KMT2B: variants seen among roughly 807,000 people sequenced by gnomAD.
KMT2B encodes histone-lysine N-methyltransferase 2B.
In KMT2B, 22 loss-of-function variants were observed where a neutral mutation model predicts 255.3. That is an observed-to-expected ratio of 0.09 (90% CI 0.06 to 0.12). The LOEUF (loss-of-function observed/expected upper bound fraction) is 0.12, where lower values mean the gene tolerates loss of function less well. Among genes scored for constraint, KMT2B ranks in the 10% least tolerant of loss-of-function variants. KMT2B has a pLI of 1.00. For synonymous variants in KMT2B, 1,730 were observed against 1,498.1 expected (o/e 1.15, Z -3.57); for missense variants, 3,149 against 3,737.0 (o/e 0.84, Z 4.10).
rs752992427 is a variant in KMT2B at position 35,733,100 on chromosome 19, C to A, written c.6551C>A (p.Pro2184His). The A allele has an allele frequency of 3.2e-6, 5 of 1,566,884 alleles. No homozygotes were observed. The highest frequency in any genetic ancestry group is 4.3e-6 in the Non-Finnish European group (5 of 1,155,722). ...AGCCTTGGCCCTGCCCCTGAGCCCC[C>A]CAAACCCGCCACATCCAAAATCATA... is the stretch of plus-strand genomic sequence containing the variant. ...VLSLGPAPEP[P>H]KPATSKIILV... Residue 2184 changes from proline to histidine, a missense_variant, in exon 28 of 37, where the codon CCC becomes CAC. This residue lies in a region of KMT2B where 897 missense variants were observed against 825.3 expected (regional missense o/e 1.09). Coordinates refer to ENST00000420124, the MANE Select transcript of KMT2B (RefSeq NM_014727.3). The surrounding 1 kb of genome is among the most constrained non-coding windows in gnomAD (Gnocchi z 4.3).
At chr19:35,736,637 G>A (rs1458834348) in intron 30 of KMT2B, 53 bp from the exon 31 acceptor site, 2 of 1,601,834 alleles carry the variant, frequency 1.2e-6, no homozygotes, top group East Asian at 2.2e-5. Flanking sequence ...GGGCTCAGGG[G>A]CTTTTGAGTC....
chr19:35,727,050 A>G lies in KMT2B; in HGVS notation c.4004-106A>G. On this transcript the variant is annotated intron_variant, in intron 14 of 36. Transcript: ENST00000420124. This position sits in a 1 kb window ranked among gnomAD's most constrained non-coding sequence, Gnocchi z 4.2. ...TTAGGGACTAGTAGGGGCCCAAAACAGGGGCATAGTGGAGGCAGCTAAGGT... is the reference window on the plus strand; with the variant it reads ...TTAGGGACTAGTAGGGGCCCAAAACGGGGGCATAGTGGAGGCAGCTAAGGT... The G allele has an allele frequency of 2.9e-6, 2 of 684,676 alleles. No homozygotes were observed. The highest frequency in any genetic ancestry group is 4.9e-6 in the Non-Finnish European group (2 of 404,680). 42.4% of individuals were successfully genotyped at this position (684,676 alleles called of 1,614,324 possible). A position where few individuals can be genotyped will look rare whatever the true frequency, so the allele number is the denominator to read the frequency against.
In KMT2B at chr19:35,728,770, A is replaced by G. The variant is rs746240357; in HGVS notation, c.4572-4A>G. The G allele has an allele frequency of 5.0e-6, 8 of 1,612,764 alleles. 1 individual carries two copies. The Admixed American group carries it at 1.3e-4, about 27-fold the overall frequency. On this transcript the variant is annotated splice_region_variant and splice_polypyrimidine_tract_variant and intron_variant, in intron 19 of 36. Transcript: ENST00000420124. ...CATCAGCTGCTAACCCTGCCTGTCCACAGCGGAGTCCTTCCCAATGCGGTG... is the reference window on the plus strand; with the variant it reads ...CATCAGCTGCTAACCCTGCCTGTCCGCAGCGGAGTCCTTCCCAATGCGGTG...
At chr19:35,722,910 A>G (rs1324760764) in intron 5 of KMT2B, 85 bp from the exon 6 acceptor site, 1 of 1,449,304 alleles carries the variant, frequency 6.9e-7, no homozygotes, top group East Asian at 2.5e-5. Context: ...AGAAAGCGAG[A>G]GCCAGGTTGT....
rs1969658056 is a variant in KMT2B at position 35,730,738 on chromosome 19, G to A, written c.5308G>A (p.Ala1770Thr). 6.2e-7 allele frequency: 1 copy of A among 1,613,810 alleles called. No individual in the cohort carries two copies. The highest frequency in any genetic ancestry group is 1.3e-5 in the African/African-American group (1 of 74,936). Residue 1770 changes from alanine (A) to threonine (T), a missense_variant, in exon 26 of 37, where the codon GCT (alanine) becomes ACT (threonine). Ala to Thr is a moderately conservative substitution (Grantham distance 58). This residue lies in a region of KMT2B where 1 missense variants were observed against 18.4 expected (regional missense o/e 0.05). Transcript: ENST00000420124. ...CSRLYWSTVD[A>T]RRRCWYRCRI... ...CCGTCTGTACTGGAGCACAGTGGAT[G>A]CTCGGAGGCGCTGCTGGTATCGGTG...
At chr19:35,724,108 A>G in intron 8 of KMT2B, 101 bp downstream of exon 8, 1 of 1,202,700 alleles carries the variant, frequency 8.3e-7, no homozygotes, top group South Asian at 1.5e-5. Flanking sequence ...TGTCAGTCTG[A>G]TAGAGAAGGT....
Position 35,732,373 on chromosome 19 carries a change from C to G in KMT2B, c.5824C>G (p.Pro1942Ala). 6.2e-7 allele frequency: 1 copy of G among 1,612,814 alleles called. No individual in the cohort carries two copies. Among genetic ancestry groups the G allele is most frequent in the Non-Finnish European group, 8.5e-7 (1 of 1,179,362 alleles). Residue 1942 changes from proline (P) to alanine (A), a missense_variant, in exon 28 of 37, where the codon CCC (proline) becomes GCC (alanine). Transcript: ENST00000420124. ...PLKTSPQLRVPPPTSVVTALT... is the reference protein window; with the variant it reads ...PLKTSPQLRVAPPTSVVTALT... ...AAAAACCTCCCCTCAGCTCAGGGTG[C>G]CCCCTCCTACCTCAGTCGTCACAGC...
At chr19:35,731,218 A>C (rs889929778) in intron 26 of KMT2B, among the ~76,000 whole-genome samples, 13 of 152,236 alleles carry the variant, frequency 8.5e-5, no homozygotes, top group Non-Finnish European at 1.6e-4. Context: ...GGCTGAACAC[A>C]GTAACATGCT....
In KMT2B at chr19:35,723,610, TCTC is replaced by T. The variant is rs1270567369; in HGVS notation, c.3058+110_3058+112del. ...CCCTTGCAGCTCACCCTCTCCATCT[TCTC>T]CGTTGTGTGCTTTCATAGCTCCTGC... On this transcript the variant is annotated intron_variant, in intron 7 of 36. Transcript: ENST00000420124. This position sits in a 1 kb window ranked among gnomAD's most constrained non-coding sequence, Gnocchi z 7.5. 2.3e-6 allele frequency: 3 copies of T among 1,301,256 alleles called. No individual in the cohort carries two copies. The highest frequency in any genetic ancestry group is 3.2e-6 in the Non-Finnish European group (3 of 950,912). 80.6% of individuals were successfully genotyped at this position (1,301,256 alleles called of 1,614,324 possible).
Position 35,732,399 on chromosome 19 carries a change from C to T in KMT2B, c.5850C>T (p.Ala1950=), listed in dbSNP as rs1281184483. The T allele has an allele frequency of 1.2e-6, 2 of 1,613,488 alleles. No homozygotes were observed. Among genetic ancestry groups the T allele is most frequent in the East Asian group, 2.2e-5 (1 of 44,850 alleles). Residue 1950 remains alanine (A), a synonymous_variant, in exon 28 of 37, where the codon GCC becomes GCT. Coordinates refer to ENST00000420124, the MANE Select transcript of KMT2B (RefSeq NM_014727.3). The part of the protein sequence containing the change: ...RVPPPTSVVT[A]LTPTSGELAP... The stretch of plus-strand genomic sequence containing the variant: ...CCCCTCCTACCTCAGTCGTCACAGC[C>T]CTCACACCTACCTCAGGGGAGCTGG...
chr19:35,724,511 A>G, intron 8 of KMT2B, 126 bp from the exon 9 acceptor site: 1 of 803,098 alleles, frequency 1.2e-6, no homozygotes, highest in Non-Finnish European at 2.0e-6. Context: ...AAAACAAGAA[A>G]AAGAATCGTC....
chr19:35,728,134 G>A lies in KMT2B; in HGVS notation c.4534G>A (p.Asp1512Asn), dbSNP rs1456547984. The change falls in exon 19 of 37, where the codon GAC becomes AAC. Residue 1512 changes from aspartate to asparagine, a missense_variant. Asp to Asn is a conservative substitution (Grantham distance 23, BLOSUM62 1). Coordinates refer to ENST00000420124, the MANE Select transcript of KMT2B (RefSeq NM_014727.3). ...ESAFGWFDAH[D>N]PKYWRRSTRL... ...TGCGTTCGGCTGGTTCGACGCCCAC[G>A]ACCCCAAGTACTGGCGACGGAGTAC... is the stretch of plus-strand genomic sequence containing the variant. 9 of 1,600,612 alleles carry A rather than the reference G, an allele frequency of 5.6e-6. No individual in the cohort carries two copies. The highest frequency in any genetic ancestry group is 6.8e-6 in the Non-Finnish European group (8 of 1,174,254).
rs927485730 is a variant in KMT2B, at chr19:35,720,668, C to G, written c.1321C>G (p.Leu441Val). Reference protein sequence around the residue: ...PPPPPVSPPPLPSPPPPPAQE... With the variant: ...PPPPPVSPPPVPSPPPPPAQE... ...ACCACCCCCAGTGTCCCCACCACCT[C>G]TACCATCCCCTCCACCGCCTCCTGC... The change falls in exon 3 of 37, where the codon CTA becomes GTA. Residue 441 changes from leucine (L) to valine (V), a missense_variant. Around this residue, in one of 18 missense-constraint regions of KMT2B, gnomAD observed 1,188 missense variants for 1,106.4 expected, o/e 1.07. Coordinates refer to ENST00000420124, the MANE Select transcript of KMT2B (RefSeq NM_014727.3). 2 of 1,472,580 alleles carry G rather than the reference C, an allele frequency of 1.4e-6. No homozygotes were observed. The highest frequency in any genetic ancestry group is 5.0e-5 in the East Asian group (2 of 40,364). 91.2% of individuals were successfully genotyped at this position (1,472,580 alleles called of 1,614,324 possible). A position where few individuals can be genotyped will look rare whatever the true frequency, so the allele number is the denominator to read the frequency against.
chr19:35,729,488 C>T (rs1162206943), intron 22 of KMT2B, among the ~76,000 whole-genome samples, 192 bp downstream of exon 22: 2 of 152,184 alleles, frequency 1.3e-5, no homozygotes, highest in Non-Finnish European at 2.9e-5. Flanking sequence ...GTAATCTGGG[C>T]CTGAAGTGTG....
chr19:35,726,105 C>G, intron 13 of KMT2B, 131 bp from the exon 14 acceptor site: 1 of 708,162 alleles, frequency 1.4e-6, no homozygotes, highest in Non-Finnish European at 2.5e-6. Flanking sequence ...GTCTGTCCTG[C>G]GTGTTTTCTC....
At position 35,725,844 on chromosome 19, in the gene KMT2B, C is replaced by T; in HGVS notation, c.3885+26C>T. On this transcript the variant is annotated intron_variant, in intron 13 of 36. Coordinates refer to ENST00000420124, the MANE Select transcript of KMT2B (RefSeq NM_014727.3). This position sits in a 1 kb window ranked among gnomAD's most constrained non-coding sequence, Gnocchi z 4.1. ...GTGAGAGATGAGGTTCACCCACTTG[C>T]TTTGTCTCTAATGAATATCACCACC... is the stretch of plus-strand genomic sequence containing the variant. 6.5e-7 allele frequency: 1 copy of T among 1,541,140 alleles called. No homozygotes were observed. The highest frequency in any genetic ancestry group is 8.8e-7 in the Non-Finnish European group (1 of 1,136,756).
In KMT2B at chr19:35,725,390, G is replaced by C. The variant is rs1969394286; in HGVS notation, c.3642+57G>C. On this transcript the variant is annotated intron_variant, in intron 11 of 36. Coordinates refer to ENST00000420124, the MANE Select transcript of KMT2B (RefSeq NM_014727.3). The surrounding 1 kb of genome is among the most constrained non-coding windows in gnomAD (Gnocchi z 4.1). ...AGCTCTCTGTCGGTCCTCACGGCCT[G>C]ATTCCTTGGGCCCTCTCAGCTGGGT... The C allele has an allele frequency of 1.9e-6, 3 of 1,573,904 alleles. No homozygotes were observed. Among genetic ancestry groups the C allele is most frequent in the Non-Finnish European group, 2.6e-6 (3 of 1,158,446 alleles).
intron 3 of KMT2B, 80 bp downstream of exon 3, chr19:35,721,884 T>TTGGA: frequency 6.9e-7 from 1 of 1,444,238 alleles, no homozygotes; most frequent in East Asian, 2.5e-5. Context: ...TTCCGCCTCC[T>TTGGA]TGGACACTTT....
chr19:35,734,865 G>A (rs558339762), intron 30 of KMT2B, among the ~76,000 whole-genome samples: 5 of 152,292 alleles, frequency 3.3e-5, no homozygotes, highest in Admixed American at 2.6e-4. Context: ...CAGCTCAGTT[G>A]CTGAGCTGGG....
Sources: gnomAD v4.1 joint callset for allele counts (sites outside exome capture counted in the v4.1 genomes callset) on GRCh38, gnomAD v4.1.1 for gene constraint, gnomAD v4.1.1 regional missense constraint, Gnocchi (gnomAD v3.1) non-coding constraint, MANE v1.5 for transcripts, NCBI Gene and HGNC (gene_info 2026-07-23, HGNC 2026-07-21) for gene names.